The following IL1RAPL2 variants were observed in gnomAD, a reference collection of about 807,000 sequenced individuals.
IL1RAPL2 encodes the protein interleukin 1 receptor accessory protein like 2, also known as X-linked interleukin-1 receptor accessory protein-like 2.
Under a neutral mutation model 44.1 loss-of-function variants are expected in IL1RAPL2, and 3 were observed. That is an observed-to-expected ratio of 0.07 (90% CI 0.03 to 0.18). The LOEUF is 0.18. Ranked by LOEUF, IL1RAPL2 falls within the 10% of genes least tolerant of loss-of-function variation. The pLI, the probability that IL1RAPL2 is intolerant of heterozygous loss-of-function variation, is 1.00. For synonymous variants in IL1RAPL2, 181 were observed against 178.8 expected, an observed-to-expected ratio of 1.01 and a Z score of -0.10; for missense variants, 391 against 496.4, an observed-to-expected ratio of 0.79 and a Z score of 2.02.
intron 2 of IL1RAPL2, among the ~76,000 whole-genome samples, chrX:105,120,791 T>C (rs1332148781): frequency 3.6e-5 from 4 of 112,327 alleles, no homozygotes; most frequent in Non-Finnish European, 7.5e-5. Context: ...AGATTTGCAG[T>C]AAAATCCTGG....
intron 2 of IL1RAPL2, among the ~76,000 whole-genome samples, chrX:104,724,411 A>T (rs1375352183): frequency 9.0e-6 from 1 of 111,632 alleles, no homozygotes; most frequent in Non-Finnish European, 1.9e-5. Flanking sequence ...ACATGTATAC[A>T]TATGTAACAA....
intron 2 of IL1RAPL2, among the ~76,000 whole-genome samples, chrX:104,821,590 G>C (rs1297031445): frequency 8.9e-6 from 1 of 111,876 alleles, no homozygotes; most frequent in Non-Finnish European, 1.9e-5. Flanking sequence ...CTTTATCATG[G>C]GTGAATAGTA....
intron 7 of IL1RAPL2, among the ~76,000 whole-genome samples, chrX:105,718,181 G>A (rs1287220727): frequency 8.9e-6 from 1 of 111,808 alleles, no homozygotes. Context: ...ATGATGATGT[G>A]TAGTGTATGT....
chrX:104,946,388 A>AAAAAAAAAAAAC (rs1925357035), intron 2 of IL1RAPL2, among the ~76,000 whole-genome samples: 1 of 89,960 alleles, frequency 1.1e-5, no homozygotes. Context: ...TCAAAAAAAA[A>AAAAAAAAAAAAC]AAAAAAAAAA....
chrX:105,337,716 CCT>C (rs946358270), intron 5 of IL1RAPL2, among the ~76,000 whole-genome samples: 3 of 111,536 alleles, frequency 2.7e-5, no homozygotes, highest in African/African-American at 9.8e-5. Context: ...ATGGTGAAAC[CCT>C]GTCTCTACTA....
intron 6 of IL1RAPL2, among the ~76,000 whole-genome samples, chrX:105,495,378 C>T (rs1344349228): frequency 3.6e-5 from 4 of 111,920 alleles, no homozygotes; most frequent in Non-Finnish European, 7.5e-5. Flanking sequence ...TTCAAAAAAA[C>T]TGAAGTAATA....
chrX:104,591,854 C>A (rs1928671964), intron 1 of IL1RAPL2, among the ~76,000 whole-genome samples: 1 of 110,288 alleles, frequency 9.1e-6, no homozygotes, highest in Non-Finnish European at 1.9e-5. Context: ...CCCTTATCTG[C>A]AGTACAATTG....
chrX:105,367,137 A>C (rs2035300911), intron 5 of IL1RAPL2, among the ~76,000 whole-genome samples: 1 of 111,447 alleles, frequency 9.0e-6, no homozygotes, highest in Non-Finnish European at 1.9e-5. Context: ...ATCTAATATA[A>C]ATATAGTTAC....
intron 2 of IL1RAPL2, among the ~76,000 whole-genome samples, chrX:104,691,260 C>A (rs1193323744): frequency 8.9e-6 from 1 of 111,813 alleles, no homozygotes; most frequent in Non-Finnish European, 1.9e-5. Flanking sequence ...CTCCCTGAAG[C>A]CTTCTTCCCC....
At chrX:105,708,011 G>A (rs1569467547) in intron 6 of IL1RAPL2, among the ~76,000 whole-genome samples, 1 of 110,744 alleles carries the variant, frequency 9.0e-6, no homozygotes, top group Non-Finnish European at 1.9e-5. Flanking sequence ...AGACCAGAGG[G>A]ATTTGTCATC....
intron 6 of IL1RAPL2, among the ~76,000 whole-genome samples, chrX:105,686,380 CAAAAAAAA>C (rs1177667576): frequency 1.6e-4 from 4 of 25,170 alleles, no homozygotes; most frequent in Admixed American, 7.1e-4. Context: ...AAATGGAAAG[CAAAAAAAA>C]AAAAAAAAAA....
intron 2 of IL1RAPL2, among the ~76,000 whole-genome samples, chrX:104,817,246 C>T (rs1213500806): frequency 8.9e-6 from 1 of 112,410 alleles, no homozygotes; most frequent in Non-Finnish European, 1.9e-5. Flanking sequence ...TACAGCCAAA[C>T]AAGGTAGGCC....
intron 2 of IL1RAPL2, among the ~76,000 whole-genome samples, chrX:105,002,827 G>A (rs768331854): frequency 6.3e-5 from 7 of 111,009 alleles, no homozygotes; most frequent in Non-Finnish European, 3.8e-5. Flanking sequence ...GATCTGTGAC[G>A]CTGTAGAAGA....
At chrX:104,997,769 A>AATTG (rs2030775029) in intron 2 of IL1RAPL2, among the ~76,000 whole-genome samples, 1 of 111,359 alleles carries the variant, frequency 9.0e-6, no homozygotes, top group African/African-American at 3.3e-5. Flanking sequence ...TAGCTTGAAC[A>AATTG]ATTGTGTATG....
chrX:105,600,516 TTAA>T (rs942581308), intron 6 of IL1RAPL2, among the ~76,000 whole-genome samples: 3 of 108,903 alleles, frequency 2.8e-5, no homozygotes, highest in South Asian at 3.8e-4. Context: ...TAATGAGTAT[TTAA>T]TAATTTAATT....
intron 1 of IL1RAPL2, among the ~76,000 whole-genome samples, chrX:104,575,712 A>G (rs1250548904): frequency 8.9e-6 from 1 of 111,927 alleles, no homozygotes; most frequent in Admixed American, 9.5e-5. Flanking sequence ...GCCAGATCCA[A>G]AAATACAGCT....
intron 2 of IL1RAPL2, among the ~76,000 whole-genome samples, chrX:105,078,730 T>G (rs868819230): frequency 1.8e-5 from 2 of 111,717 alleles, no homozygotes; most frequent in East Asian, 5.7e-4. Flanking sequence ...GCCTGAGCAA[T>G]GCGGTCGCCC....
At chrX:105,711,826 C>G (rs2038213342) in intron 6 of IL1RAPL2, among the ~76,000 whole-genome samples, 2 of 111,799 alleles carry the variant, frequency 1.8e-5, no homozygotes, top group Non-Finnish European at 3.8e-5. Flanking sequence ...AAATGGATAA[C>G]TGGTTTCAAG....
chrX:105,012,627 T>G (rs1487910191), intron 2 of IL1RAPL2, among the ~76,000 whole-genome samples: 1 of 73,153 alleles, frequency 1.4e-5, no homozygotes, highest in Non-Finnish European at 2.4e-5. Flanking sequence ...TCTCTCTCTC[T>G]CTCTCTCTCT....
Sources: allele counts gnomAD v4.1 joint callset (sites outside exome capture counted in the v4.1 genomes callset), GRCh38; gene constraint gnomAD v4.1.1; transcripts MANE v1.5; gene names NCBI Gene and HGNC (gene_info 2026-07-23, HGNC 2026-07-21).